GMEB2: variants seen among roughly 807,000 people sequenced by gnomAD.
GMEB2 encodes glucocorticoid modulatory element-binding protein 2.
A neutral mutation model predicts 45.7 loss-of-function variants in GMEB2; 7 were observed. That is an observed-to-expected ratio of 0.15 (90% CI 0.09 to 0.29). GMEB2 has a LOEUF of 0.29. Ranked by LOEUF, GMEB2 falls within the 10% of genes least tolerant of loss-of-function variation. The pLI is 1.00. For missense variants in GMEB2, 582 were observed against 739.2 expected (o/e 0.79, Z 2.47); for synonymous variants, 322 against 323.6 (o/e 1.00, Z 0.05).
chr20:63,611,858 G>A (rs1341747837), intron 2 of GMEB2, among the ~76,000 whole-genome samples: 2 of 152,114 alleles, frequency 1.3e-5, no homozygotes, highest in South Asian at 4.1e-4. Flanking sequence ...TTAGCCAGGC[G>A]TGGTGGCACA....
Position 63,588,753 on chromosome 20 carries a change from C to A in GMEB2, c.*1336G>T, listed in dbSNP as rs946488871. ...TGCCGACAGAATCAGCAGGAGCGTC[C>A]AGGGGAATCTGGCACTCAGGGTCCT... On this transcript the variant is annotated 3_prime_UTR_variant, in exon 10 of 10. Transcript: ENST00000370077. The A allele has an allele frequency of 1.0e-5, 4 of 398,578 alleles. No homozygotes were observed. Among genetic ancestry groups the A allele is most frequent in the African/African-American group, 4.1e-5 (2 of 48,640 alleles). The allele number at this position is 398,578 out of a possible 1,614,324, so 24.7% of individuals were successfully genotyped here. A position where few individuals can be genotyped will look rare whatever the true frequency, so the allele number is the denominator to read the frequency against.
chr20:63,591,210 CACAA>C lies in GMEB2; in HGVS notation c.953-485_953-482del, dbSNP rs764817300. ...ATGCAGAGTGCACACACACAATGAA[CACAA>C]ACAGTGAACACACAAAGTGAAGAGT... On this transcript the variant is annotated intron_variant, in intron 9 of 9. Transcript: ENST00000370077. Among the ~76,000 whole-genome samples the C allele has an allele frequency of 9.6e-4, 130 of 135,652 alleles. 1 individual carries two copies. Among genetic ancestry groups the C allele is most frequent in the South Asian group, 1.5e-3 (5 of 3,368 alleles). The allele number at this position is 135,652 out of a possible 152,430, so 89.0% of individuals were successfully genotyped here. A position where few individuals can be genotyped will look rare whatever the true frequency, so the allele number is the denominator to read the frequency against.
chr20:63,598,610 C>G (rs1176114431), intron 4 of GMEB2, among the ~76,000 whole-genome samples: 2 of 152,170 alleles, frequency 1.3e-5, no homozygotes, highest in Non-Finnish European at 2.9e-5. Flanking sequence ...CCTCCACCCC[C>G]GGGCCGTGCC....
chr20:63,616,427 A>T (rs2089608880), intron 2 of GMEB2, among the ~76,000 whole-genome samples: 1 of 152,212 alleles, frequency 6.6e-6, no homozygotes. Context: ...CTAGGCAACA[A>T]GAGCGAGACT....
chr20:63,598,343 GACACACACAC>G (rs67747559), intron 4 of GMEB2, among the ~76,000 whole-genome samples: 10 of 146,162 alleles, frequency 6.8e-5, no homozygotes, highest in African/African-American at 2.0e-4. Flanking sequence ...CTCTCACTCT[GACACACACAC>G]ACACACACAC....
intron 5 of GMEB2, among the ~76,000 whole-genome samples, chr20:63,596,574 G>C (rs910234925): frequency 6.6e-6 from 1 of 152,220 alleles, no homozygotes; most frequent in African/African-American, 2.4e-5. Context: ...AGTTCAGCTG[G>C]ACAGGGAAAG....
rs745644457 is a variant in GMEB2 at position 63,590,534 on chromosome 20, G to A, written c.1148C>T (p.Ala383Val). 17 of 1,526,956 alleles carry A rather than the reference G, an allele frequency of 1.1e-5. No individual in the cohort carries two copies. The highest frequency in any genetic ancestry group is 1.7e-4 in the Middle Eastern group (1 of 5,736). 94.6% of individuals were successfully genotyped at this position (1,526,956 alleles called of 1,614,324 possible). Reference protein sequence around the residue: ...SQVLTQSAQLALGPGVPVPQL... With the variant: ...SQVLTQSAQLVLGPGVPVPQL... ...GGGGACGGGCACGCCCGGGCCAAGC[G>A]CCAGCTGGGCAGACTGGGTGAGCAC... Residue 383 changes from alanine to valine, a missense_variant, in exon 10 of 10, where the codon GCG (alanine) becomes GTG (valine). Physicochemically the swap from Ala to Val is moderately conservative, Grantham distance 64. This residue lies in a region of GMEB2 where 462 missense variants were observed against 586.7 expected (regional missense o/e 0.79). Transcript: ENST00000370077.
chr20:63,626,632 TCCCTGCGGGTCGCAC>T (rs2089675729), intron 1 of GMEB2, among the ~76,000 whole-genome samples: 2 of 148,624 alleles, frequency 1.3e-5, no homozygotes, highest in Admixed American at 6.6e-5. Flanking sequence ...TGCGGGGTGG[TCCCTGCGGGTCGCAC>T]CCCTGCGGCG....
At position 63,592,003 on chromosome 20, in the gene GMEB2, G is replaced by A. The variant is rs201352573; in HGVS notation, c.952+19C>T. 5.2e-5 allele frequency: 83 copies of A among 1,600,614 alleles called. No homozygotes were observed. The highest frequency in any genetic ancestry group is 6.6e-5 in the Non-Finnish European group (77 of 1,175,324). On this transcript the variant is annotated intron_variant, in intron 9 of 9. Transcript: ENST00000370077. This position sits in a 1 kb window ranked among gnomAD's most constrained non-coding sequence, Gnocchi z 8.2. ...CAGCCTACCGCCCAGGGGACGGGAC[G>A]GGGGTGGTCTCAGCATACCTGCCAG...
intron 2 of GMEB2, among the ~76,000 whole-genome samples, chr20:63,611,337 G>A (rs1405297508): frequency 1.3e-5 from 2 of 152,390 alleles, no homozygotes; most frequent in African/African-American, 4.8e-5. Flanking sequence ...AACAGGCTGG[G>A]CGTGGTGGCT....
chr20:63,611,049 G>A (rs568870206), intron 2 of GMEB2, among the ~76,000 whole-genome samples: 5 of 152,198 alleles, frequency 3.3e-5, no homozygotes, highest in Non-Finnish European at 7.3e-5. Flanking sequence ...GCCCAGGCCC[G>A]AAAACCTTAA....
At chr20:63,603,519 A>G (rs1360077901) in intron 3 of GMEB2, among the ~76,000 whole-genome samples, 3 of 151,292 alleles carry the variant, frequency 2.0e-5, no homozygotes, top group Non-Finnish European at 4.4e-5. Flanking sequence ...TCACGAAGTC[A>G]AGAGATCAAG....
chr20:63,626,153 G>C (rs955164770), intron 1 of GMEB2, among the ~76,000 whole-genome samples: 3 of 152,264 alleles, frequency 2.0e-5, no homozygotes, highest in African/African-American at 7.2e-5. Flanking sequence ...GGTCCCGCCT[G>C]TGAGCCTACA....
intron 2 of GMEB2, among the ~76,000 whole-genome samples, chr20:63,617,681 G>GGT (rs2089618983): frequency 6.6e-6 from 1 of 152,148 alleles, no homozygotes; most frequent in Non-Finnish European, 1.5e-5. Flanking sequence ...GCTCGGGTGA[G>GGT]GTGACCTGGA....
chr20:63,620,017 G>A (rs528477627), intron 1 of GMEB2: 5 of 152,410 alleles, frequency 3.3e-5, no homozygotes, highest in South Asian at 2.1e-4. Context: ...GCACGACCTC[G>A]GCTCACTGCA....
chr20:63,626,348 C>G (rs13039668), intron 1 of GMEB2, among the ~76,000 whole-genome samples: 6 of 65,672 alleles, frequency 9.1e-5, no homozygotes, highest in Non-Finnish European at 1.9e-4. Context: ...TGCGGGGTGG[C>G]CCCTGGGAAT....
rs2089627854 is a variant in GMEB2, at chr20:63,619,109, T to G, written c.131+158A>C. 6.6e-6 allele frequency among the ~76,000 whole-genome samples: 1 copy of G among 152,214 alleles called. No individual in the cohort carries two copies. Among genetic ancestry groups the G allele is most frequent in the African/African-American group, 2.4e-5 (1 of 41,452 alleles). ...GGTCCCCGTGCCATTTCTGCTTTTC[T>G]TCGCTCTCTACTTACACACACATTT... On this transcript the variant is annotated intron_variant, in intron 2 of 9. Transcript: ENST00000370077. This position sits in a 1 kb window ranked among gnomAD's most constrained non-coding sequence, Gnocchi z 4.6.
Position 63,619,418 on chromosome 20 carries a change from C to T in GMEB2, c.-21G>A. 2 of 1,606,048 alleles carry T rather than the reference C, an allele frequency of 1.2e-6. No individual in the cohort carries two copies. The highest frequency in any genetic ancestry group is 8.5e-7 in the Non-Finnish European group (1 of 1,178,730). ...GCCATGGCTCAGCGGAAGGGGACGC[C>T]CAGGCCAGCAGCGTCAGTCCTCCAG... is the stretch of plus-strand genomic sequence containing the variant. On this transcript the variant is annotated 5_prime_UTR_variant, in exon 2 of 10. Transcript: ENST00000370077. The surrounding 1 kb of genome is among the most constrained non-coding windows in gnomAD (Gnocchi z 4.6).
At chr20:63,614,909 G>A (rs1569057741) in intron 2 of GMEB2, among the ~76,000 whole-genome samples, 1 of 152,048 alleles carries the variant, frequency 6.6e-6, no homozygotes, top group Non-Finnish European at 1.5e-5. Flanking sequence ...GCTTTGTCTT[G>A]TATCCAATAA....
Sources: allele counts gnomAD v4.1 joint callset (sites outside exome capture counted in the v4.1 genomes callset), GRCh38; gene constraint gnomAD v4.1.1; regional missense constraint gnomAD v4.1.1; non-coding constraint Gnocchi (gnomAD v3.1); transcripts MANE v1.5; gene names NCBI Gene and HGNC (gene_info 2026-07-23, HGNC 2026-07-21).